Variants in SMIM36 observed in about 807,000 individuals in gnomAD.
SMIM36 encodes the protein small integral membrane protein 36.
upstream of SMIM36, among the ~76,000 whole-genome samples, chr17:55,512,159 TG>T (rs1425327004): frequency 6.6e-6 from 1 of 152,164 alleles, no homozygotes; most frequent in African/African-American, 2.4e-5. Flanking sequence ...ACCTATGACC[TG>T]AAGGATAAGT....
At chr17:55,495,991 T>G (rs1295577932) in intron 1 of SMIM36, among the ~76,000 whole-genome samples, 1 of 152,212 alleles carries the variant, frequency 6.6e-6, no homozygotes, top group Non-Finnish European at 1.5e-5. Flanking sequence ...CTTCTGATCA[T>G]GTGTATAATG....
chr17:55,490,678 G>C (rs764150211), intron 1 of SMIM36, among the ~76,000 whole-genome samples: 3 of 152,158 alleles, frequency 2.0e-5, no homozygotes, highest in Non-Finnish European at 2.9e-5. Flanking sequence ...TTGCAACTGA[G>C]ATTCGAAATG....
the SMIM36 span, among the ~76,000 whole-genome samples, chr17:55,523,021 A>G: frequency 1.3e-4 from 20 of 152,212 alleles, no homozygotes; most frequent in Admixed American, 1.3e-3. Flanking sequence ...TTAGAGAAAT[A>G]TTATAATGAG....
At chr17:55,477,016 A>G (rs1029913460) in intron 3 of SMIM36, 1 of 152,154 alleles carries the variant, frequency 6.6e-6, no homozygotes, top group African/African-American at 2.4e-5. Context: ...GGCTGCCACA[A>G]CAAAGTACCA....
At chr17:55,494,289 GA>G (rs1909768667) in intron 1 of SMIM36, among the ~76,000 whole-genome samples, 1 of 152,054 alleles carries the variant, frequency 6.6e-6, no homozygotes. Flanking sequence ...AAAGGACTAG[GA>G]TTTACAAACT....
chr17:55,502,318 G>A (rs1479921022), intron 1 of SMIM36, among the ~76,000 whole-genome samples: 2 of 130,814 alleles, frequency 1.5e-5, no homozygotes, highest in Non-Finnish European at 3.2e-5. Flanking sequence ...AGACTTAAAT[G>A]TCCCTGTCTG....
upstream of SMIM36, among the ~76,000 whole-genome samples, chr17:55,512,714 A>T (rs1383335087): frequency 6.6e-6 from 1 of 152,174 alleles, no homozygotes; most frequent in Admixed American, 6.5e-5. Flanking sequence ...TAACTTTTCA[A>T]CTTTGCACTG....
chr17:55,531,489 C>A, the SMIM36 span, among the ~76,000 whole-genome samples: 1 of 152,264 alleles, frequency 6.6e-6, no homozygotes, highest in East Asian at 1.9e-4. Context: ...CCTACTGTGG[C>A]CCTACCCCCT....
chr17:55,452,160 A>G (rs1018253631), intron 4 of SMIM36, among the ~76,000 whole-genome samples: 5 of 150,678 alleles, frequency 3.3e-5, no homozygotes, highest in African/African-American at 9.7e-5. Flanking sequence ...TATTTGACCC[A>G]CATATGGTTT....
At chr17:55,475,052 C>G (rs1909406461) in intron 3 of SMIM36, among the ~76,000 whole-genome samples, 1 of 152,018 alleles carries the variant, frequency 6.6e-6, no homozygotes, top group African/African-American at 2.4e-5. Context: ...GTTTTGGACC[C>G]CCCACAGTGT....
intron 1 of SMIM36, among the ~76,000 whole-genome samples, chr17:55,483,230 G>A (rs8073899): frequency 6.6e-6 from 1 of 152,088 alleles, no homozygotes; most frequent in Admixed American, 6.5e-5. Flanking sequence ...TTCTTGTTGG[G>A]TTTGGCCTGA....
At chr17:55,492,935 G>A (rs933826317) in intron 1 of SMIM36, among the ~76,000 whole-genome samples, 5 of 152,280 alleles carry the variant, frequency 3.3e-5, no homozygotes, top group East Asian at 3.9e-4. Flanking sequence ...CATTTGTCAC[G>A]GTTTACGTTC....
intron 3 of SMIM36, among the ~76,000 whole-genome samples, chr17:55,476,650 C>T (rs754776975): frequency 3.3e-5 from 5 of 152,116 alleles, no homozygotes; most frequent in Admixed American, 2.6e-4. Flanking sequence ...TCACTGCAAC[C>T]TCCACCTCCC....
chr17:55,524,232 G>C, the SMIM36 span, among the ~76,000 whole-genome samples: 10 of 152,244 alleles, frequency 6.6e-5, no homozygotes, highest in South Asian at 2.1e-3. Context: ...CCCCATCCAT[G>C]TTTCTGCAAA....
At chr17:55,475,903 C>T (rs900635597) in intron 3 of SMIM36, among the ~76,000 whole-genome samples, 2 of 152,138 alleles carry the variant, frequency 1.3e-5, no homozygotes, top group Admixed American at 6.6e-5. Context: ...ACCCCAAAAT[C>T]TTTCTTCAGC....
chr17:55,495,628 A>ATT lies in SMIM36; in HGVS notation c.*174+15249_*174+15250dup, dbSNP rs34617289. ...CATAGTGAGAACCCTGTCTCTATAA[A>ATT]TTTTTTTTTTTTTTTTTACAAAGGA... On this transcript the variant is annotated intron_variant, in intron 1 of 4. Transcript: ENST00000636752. Among the ~76,000 whole-genome samples the ATT allele has an allele frequency of 5.6e-3, 817 of 145,242 alleles. 14 individuals are homozygous for ATT. Among genetic ancestry groups the ATT allele is most frequent in the African/African-American group, 0.02 (788 of 40,086 alleles).
Position 55,493,601 on chromosome 17 carries a change from G to C in SMIM36, c.*175-14021C>G, listed in dbSNP as rs72840438. Among the ~76,000 whole-genome samples the C allele has an allele frequency of 6.1e-3, 922 of 152,176 alleles. 5 individuals are homozygous for C. Among genetic ancestry groups the C allele is most frequent in the Non-Finnish European group, 0.011 (742 of 68,006 alleles). On this transcript the variant is annotated intron_variant, in intron 1 of 4. Transcript: ENST00000636752. ...AAGGCAGGAAGATTGCTTGAGTCCAGGAGTTTGACGCCAGCCTGGGCAACG... is the reference window on the plus strand; with the variant it reads ...AAGGCAGGAAGATTGCTTGAGTCCACGAGTTTGACGCCAGCCTGGGCAACG...
upstream of SMIM36, among the ~76,000 whole-genome samples, chr17:55,513,920 C>A (rs527717873): frequency 1.3e-5 from 2 of 152,238 alleles, no homozygotes; most frequent in African/African-American, 4.8e-5. Flanking sequence ...TCTGCTGATA[C>A]CCGTGGTGTC....
intron 1 of SMIM36, among the ~76,000 whole-genome samples, chr17:55,492,925 C>T (rs1202085581): frequency 7.9e-5 from 12 of 152,222 alleles, no homozygotes; most frequent in Admixed American, 7.9e-4. Context: ...GAACTGAGAA[C>T]ATTTGTCACG....
Sources: gnomAD v4.1 joint callset for allele counts (sites outside exome capture counted in the v4.1 genomes callset) on GRCh38, gnomAD v4.1.1 for gene constraint, MANE v1.5 for transcripts, NCBI Gene and HGNC (gene_info 2026-07-23, HGNC 2026-07-21) for gene names.